Variants in KCNH7 observed in about 807,000 individuals in gnomAD.
KCNH7 encodes potassium voltage-gated channel subfamily H member 7.
In KCNH7, 49 loss-of-function variants were observed where a neutral mutation model predicts 120.8. The ratio of observed to expected loss-of-function variants is 0.41; its 90% CI spans 0.32 to 0.51. The LOEUF (loss-of-function observed/expected upper bound fraction) is 0.51, where lower values mean the gene tolerates loss of function less well. Among genes scored for constraint, KCNH7 ranks in the 20% least tolerant of loss-of-function variants. KCNH7 has a pLI of 0.38. For missense variants in KCNH7, 1,097 were observed against 1,446.6 expected (o/e 0.76, Z 3.92); for synonymous variants, 547 against 516.1 (o/e 1.06, Z -0.81).
At chr2:162,524,466 G>A (rs1206411588) in intron 3 of KCNH7, among the ~76,000 whole-genome samples, 1 of 152,012 alleles carries the variant, frequency 6.6e-6, no homozygotes, top group Non-Finnish European at 1.5e-5. Flanking sequence ...TCTGGGCTTA[G>A]GGCCACAGTG....
At chr2:162,821,644 G>A (rs1450587184) in intron 2 of KCNH7, among the ~76,000 whole-genome samples, 3 of 152,060 alleles carry the variant, frequency 2.0e-5, no homozygotes, top group African/African-American at 7.2e-5. Flanking sequence ...TATCCCCTTG[G>A]TACAATTTGT....
At chr2:162,410,440 A>G (rs1687353087) in intron 9 of KCNH7, among the ~76,000 whole-genome samples, 1 of 152,106 alleles carries the variant, frequency 6.6e-6, no homozygotes, top group Admixed American at 6.6e-5. Context: ...AGATGGATTA[A>G]AGACTTAAAT....
intron 2 of KCNH7, among the ~76,000 whole-genome samples, chr2:162,793,646 C>T (rs1684035825): frequency 6.6e-6 from 1 of 151,680 alleles, no homozygotes; most frequent in Admixed American, 6.6e-5. Flanking sequence ...AAGCTATCTA[C>T]AGATTCAATG....
chr2:162,662,061 A>C (rs1448907607), intron 2 of KCNH7, among the ~76,000 whole-genome samples: 1 of 152,062 alleles, frequency 6.6e-6, no homozygotes, highest in Non-Finnish European at 1.5e-5. Flanking sequence ...CATGAGTTCA[A>C]GACCAGCCTG....
chr2:162,769,035 G>A (rs550332550), intron 2 of KCNH7: 2 of 152,294 alleles, frequency 1.3e-5, no homozygotes, highest in South Asian at 2.1e-4. Flanking sequence ...AATAATTTCC[G>A]TTGTCAGATT....
chr2:162,499,965 C>T lies in KCNH7; in HGVS notation c.1128+4478G>A, dbSNP rs956652645. Among the ~76,000 whole-genome samples, 99 of 152,004 alleles carry T rather than the reference C, an allele frequency of 6.5e-4. 5 individuals are homozygous for T. Among genetic ancestry groups the T allele is most frequent in the African/African-American group, 7.2e-5 (3 of 41,412 alleles). Reference sequence around the variant, plus strand: ...GTTTCCTCTCTCAGCACCATCTGCACACACAGTGTTTACCCATAGAAAAAT... The same window carrying T: ...GTTTCCTCTCTCAGCACCATCTGCATACACAGTGTTTACCCATAGAAAAAT... On this transcript the variant is annotated intron_variant, in intron 6 of 15. Transcript: ENST00000332142.
intron 2 of KCNH7, among the ~76,000 whole-genome samples, chr2:162,594,663 A>G (rs140651096): frequency 1.3e-5 from 2 of 152,200 alleles, no homozygotes; most frequent in African/African-American, 2.4e-5. Context: ...TGCTGTGTCT[A>G]TATTGAACAT....
At chr2:162,601,426 T>TTTTTTTTTTTTTG (rs1694551852) in intron 2 of KCNH7, among the ~76,000 whole-genome samples, 1 of 132,044 alleles carries the variant, frequency 7.6e-6, no homozygotes, top group African/African-American at 2.9e-5. Context: ...TTTTTTTTTT[T>TTTTTTTTTTTTTG]GCTTACTTTG....
intron 3 of KCNH7, among the ~76,000 whole-genome samples, chr2:162,525,204 T>C (rs1691657959): frequency 6.6e-6 from 1 of 151,744 alleles, no homozygotes; most frequent in African/African-American, 2.4e-5. Flanking sequence ...TAGTAAGCAG[T>C]GAGGATAGGA....
At chr2:162,420,618 T>G (rs1229017505) in intron 9 of KCNH7, among the ~76,000 whole-genome samples, 1 of 152,208 alleles carries the variant, frequency 6.6e-6, no homozygotes, top group Non-Finnish European at 1.5e-5. Context: ...CAATTATTTC[T>G]TATTTTTTGT....
chr2:162,504,765 G>T, intron 5 of KCNH7, 108 bp from the exon 6 acceptor site: 2 of 719,616 alleles, frequency 2.8e-6, no homozygotes, highest in Non-Finnish European at 4.7e-6. Context: ...CCTGATTTGA[G>T]TGTGACTGAA....
chr2:162,611,034 T>C (rs771210780), intron 2 of KCNH7, among the ~76,000 whole-genome samples: 1 of 152,120 alleles, frequency 6.6e-6, no homozygotes, highest in Non-Finnish European at 1.5e-5. Context: ...AGGTACAGCA[T>C]ATGAGAGTAA....
chr2:162,583,460 C>T (rs1693941178), intron 2 of KCNH7, among the ~76,000 whole-genome samples: 1 of 152,008 alleles, frequency 6.6e-6, no homozygotes, highest in Admixed American at 6.6e-5. Flanking sequence ...ATTCACTAAA[C>T]TATCACATTG....
At chr2:162,467,717 T>C (rs1412668840) in intron 6 of KCNH7, among the ~76,000 whole-genome samples, 2 of 152,220 alleles carry the variant, frequency 1.3e-5, no homozygotes, top group African/African-American at 4.8e-5. Flanking sequence ...AATCTTACAT[T>C]TATGTGCCGG....
intron 2 of KCNH7, among the ~76,000 whole-genome samples, chr2:162,711,267 G>A (rs957320740): frequency 2.6e-5 from 4 of 152,192 alleles, no homozygotes; most frequent in Admixed American, 6.5e-5. Flanking sequence ...CTTTGTATCA[G>A]CAGAGATTTT....
chr2:162,608,788 C>G (rs759156620), intron 2 of KCNH7, among the ~76,000 whole-genome samples: 5 of 152,138 alleles, frequency 3.3e-5, no homozygotes, highest in Non-Finnish European at 7.4e-5. Flanking sequence ...TTCTGTCTAC[C>G]TCATACACCT....
intron 2 of KCNH7, among the ~76,000 whole-genome samples, chr2:162,788,321 T>C (rs552826348): frequency 2.6e-4 from 39 of 152,278 alleles, no homozygotes; most frequent in African/African-American, 9.4e-4. Flanking sequence ...GTAATCATTT[T>C]GAAGAAGTTC....
At chr2:162,622,138 C>T (rs1238513340) in intron 2 of KCNH7, among the ~76,000 whole-genome samples, 1 of 152,182 alleles carries the variant, frequency 6.6e-6, no homozygotes, top group Non-Finnish European at 1.5e-5. Context: ...AACTGCCATT[C>T]TTATGCATAG....
At chr2:162,525,804 T>C (rs1387673010) in intron 3 of KCNH7, among the ~76,000 whole-genome samples, 1 of 151,932 alleles carries the variant, frequency 6.6e-6, no homozygotes, top group African/African-American at 2.4e-5. Context: ...GCTGTATGTA[T>C]GTATGAATAG....
Sources: allele counts gnomAD v4.1 joint callset (sites outside exome capture counted in the v4.1 genomes callset), GRCh38; gene constraint gnomAD v4.1.1; transcripts MANE v1.5; gene names NCBI Gene and HGNC (gene_info 2026-07-23, HGNC 2026-07-21).